The following ARHGAP15 variants were observed in gnomAD, a reference collection of about 807,000 sequenced individuals.
ARHGAP15 encodes Rho GTPase activating protein 15, also known as rho GTPase-activating protein 15.
A neutral mutation model predicts 63.7 loss-of-function variants in ARHGAP15; 51 were observed. The ratio of observed to expected loss-of-function variants is 0.80; its 90% CI spans 0.64 to 1.01. The LOEUF (loss-of-function observed/expected upper bound fraction) is 1.01. Ranked by LOEUF, ARHGAP15 falls within the 50% of genes least tolerant of loss-of-function variation. The probability of loss-of-function intolerance (pLI) is 0.00; values close to 1 mark genes in which losing one functional copy is unlikely to be tolerated. For missense variants in ARHGAP15, 560 were observed against 564.6 expected, an observed-to-expected ratio of 0.99 and a Z score of 0.08; for synonymous variants, 191 against 193.8, an observed-to-expected ratio of 0.99 and a Z score of 0.12.
chr2:143,342,092 T>C (rs1685082918), intron 6 of ARHGAP15, among the ~76,000 whole-genome samples: 1 of 152,082 alleles, frequency 6.6e-6, no homozygotes, highest in Non-Finnish European at 1.5e-5. Flanking sequence ...ACCACAAGAC[T>C]TATTGTGAGC....
intron 6 of ARHGAP15, among the ~76,000 whole-genome samples, chr2:143,276,427 G>A (rs1681551877): frequency 6.6e-6 from 1 of 152,278 alleles, no homozygotes; most frequent in South Asian, 2.1e-4. Flanking sequence ...TAAACACAGA[G>A]GTGGGTTGCC....
intron 8 of ARHGAP15, among the ~76,000 whole-genome samples, chr2:143,481,727 T>C (rs1692088622): frequency 6.6e-6 from 1 of 152,178 alleles, no homozygotes. Context: ...AGAGGTGATT[T>C]TTAATAGCAC....
At chr2:143,243,764 A>G (rs1418360666) in intron 5 of ARHGAP15, among the ~76,000 whole-genome samples, 1 of 152,146 alleles carries the variant, frequency 6.6e-6, no homozygotes, top group Admixed American at 6.5e-5. Flanking sequence ...TTAAACACTG[A>G]GAATTTCTTC....
intron 6 of ARHGAP15, among the ~76,000 whole-genome samples, chr2:143,305,863 AAAATATAT>A (rs1683144709): frequency 6.6e-6 from 1 of 152,136 alleles, no homozygotes; most frequent in Non-Finnish European, 1.5e-5. Flanking sequence ...AGGGTAATTT[AAAATATAT>A]AAATAAAATT....
At chr2:143,429,566 T>C (rs1466328623) in intron 6 of ARHGAP15, among the ~76,000 whole-genome samples, 2 of 152,162 alleles carry the variant, frequency 1.3e-5, no homozygotes, top group Non-Finnish European at 2.9e-5. Context: ...ATGACACCAC[T>C]GAGGGTTCCA....
intron 12 of ARHGAP15, among the ~76,000 whole-genome samples, chr2:143,652,890 G>T (rs940264359): frequency 1.3e-5 from 2 of 151,966 alleles, no homozygotes; most frequent in Admixed American, 6.6e-5. Flanking sequence ...TTTCTAGCTG[G>T]ATACATTTTT....
intron 8 of ARHGAP15, among the ~76,000 whole-genome samples, chr2:143,443,105 G>T (rs1283768377): frequency 6.6e-5 from 10 of 152,088 alleles, no homozygotes. Flanking sequence ...GGATAAATAT[G>T]TAATTATCAA....
chr2:143,747,668 G>A (rs908788526), intron 13 of ARHGAP15, among the ~76,000 whole-genome samples: 6 of 152,198 alleles, frequency 3.9e-5, no homozygotes, highest in South Asian at 2.1e-4. Context: ...TTCACCTGGC[G>A]ATATGCATTT....
In ARHGAP15 at chr2:143,509,102, C is replaced by T. The variant is rs565324434; in HGVS notation, c.827-10164C>T. Among the ~76,000 whole-genome samples the T allele has an allele frequency of 2.0e-5, 3 of 152,300 alleles. No individual in the cohort carries two copies. The East Asian group carries it at 5.8e-4, about 29-fold the overall frequency. ...TTGAAAGCTGCAGCAACTCCGCTATCCTTGTTCGGGGAGATCCTCTTCCCC... is the reference window on the plus strand; with the variant it reads ...TTGAAAGCTGCAGCAACTCCGCTATTCTTGTTCGGGGAGATCCTCTTCCCC... On this transcript the variant is annotated intron_variant, in intron 9 of 13. Transcript: ENST00000295095.
chr2:143,705,516 G>GTA (rs1385541527), intron 13 of ARHGAP15, among the ~76,000 whole-genome samples: 2 of 152,154 alleles, frequency 1.3e-5, no homozygotes, highest in Non-Finnish European at 2.9e-5. Context: ...CTGGCACAAG[G>GTA]TAAGCATTCC....
intron 11 of ARHGAP15, among the ~76,000 whole-genome samples, chr2:143,606,062 A>AAAAAAAAAAAAAAAAAC (rs1559076886): frequency 1.4e-5 from 1 of 73,176 alleles, no homozygotes. Flanking sequence ...AAAAAAAAAA[A>AAAAAAAAAAAAAAAAAC]AAAAAAAAGC....
At chr2:143,677,175 T>C (rs538433345) in intron 12 of ARHGAP15, among the ~76,000 whole-genome samples, 37 of 152,358 alleles carry the variant, frequency 2.4e-4, no homozygotes, top group African/African-American at 8.9e-4. Flanking sequence ...TGCCAGTTAA[T>C]TAGGCTTAAA....
At chr2:143,487,196 A>G (rs892438854) in intron 8 of ARHGAP15, among the ~76,000 whole-genome samples, 177 bp from the exon 9 acceptor site, 1 of 152,230 alleles carries the variant, frequency 6.6e-6, no homozygotes, top group Non-Finnish European at 1.5e-5. Context: ...CTGCAACAAC[A>G]GGACTAATAC....
intron 6 of ARHGAP15, among the ~76,000 whole-genome samples, chr2:143,363,476 C>A (rs893158824): frequency 6.6e-6 from 1 of 152,130 alleles, no homozygotes; most frequent in Non-Finnish European, 1.5e-5. Flanking sequence ...GCCTGGATAA[C>A]AGAGCAAGAC....
intron 4 of ARHGAP15, among the ~76,000 whole-genome samples, chr2:143,226,452 G>A (rs1420323810): frequency 6.6e-6 from 1 of 152,194 alleles, no homozygotes; most frequent in Non-Finnish European, 1.5e-5. Context: ...TGTACTCCCT[G>A]ACCACGTATG....
chr2:143,673,750 GTGTGTGTGTATATATATA>G (rs1404832116), intron 12 of ARHGAP15, among the ~76,000 whole-genome samples: 1 of 34,632 alleles, frequency 2.9e-5, no homozygotes, highest in Admixed American at 5.1e-4. Flanking sequence ...GTGTGTGTGT[GTGTGTGTGTATATATATA>G]TATATATATA....
chr2:143,187,342 T>G (rs913006939), intron 2 of ARHGAP15, among the ~76,000 whole-genome samples: 2 of 152,174 alleles, frequency 1.3e-5, no homozygotes, highest in African/African-American at 4.8e-5. Flanking sequence ...TTTACAGCCC[T>G]TAGAAAGTGC....
At chr2:143,483,936 C>T (rs56017206) in intron 8 of ARHGAP15, among the ~76,000 whole-genome samples, 13,685 of 152,126 alleles carry the variant, frequency 0.09, 736 homozygotes, top group African/African-American at 0.15. Context: ...TATAATTACA[C>T]AGGCCAGACA....
intron 6 of ARHGAP15, among the ~76,000 whole-genome samples, chr2:143,322,938 A>G (rs1270266080): frequency 1.3e-5 from 2 of 152,226 alleles, no homozygotes; most frequent in Non-Finnish European, 2.9e-5. Flanking sequence ...TTATCAACCA[A>G]CTGGTTGTCT....
Sources: gnomAD v4.1 joint callset for allele counts (sites outside exome capture counted in the v4.1 genomes callset) on GRCh38, gnomAD v4.1.1 for gene constraint, MANE v1.5 for transcripts, NCBI Gene and HGNC (gene_info 2026-07-23, HGNC 2026-07-21) for gene names.